The following MYLK3 variants were observed in gnomAD, a reference collection of about 807,000 sequenced individuals.
The protein encoded by MYLK3 is myosin light chain kinase 3.
A neutral mutation model predicts 76.3 loss-of-function variants in MYLK3; 55 were observed. That is an observed-to-expected ratio of 0.72 (90% confidence interval 0.58 to 0.90). The LOEUF (loss-of-function observed/expected upper bound fraction) is 0.90, where lower values mean the gene tolerates loss of function less well. MYLK3 is among the 40% of genes least tolerant of loss of function. The pLI is 0.00. For synonymous variants in MYLK3, 416 were observed against 425.4 expected, an observed-to-expected ratio of 0.98 and a Z score of 0.27; for missense variants, 973 against 1,053.6, an observed-to-expected ratio of 0.92 and a Z score of 1.06.
intron 1 of MYLK3, among the ~76,000 whole-genome samples, chr16:46,754,986 T>C (rs1050092332): frequency 6.7e-6 from 1 of 148,378 alleles, no homozygotes; most frequent in Non-Finnish European, 1.5e-5. Context: ...TGCCTCAACC[T>C]CCTGGACTCA....
At chr16:46,759,629 C>CTT (rs879830954) in intron 1 of MYLK3, among the ~76,000 whole-genome samples, 2 of 145,868 alleles carry the variant, frequency 1.4e-5, no homozygotes, top group African/African-American at 5.0e-5. Context: ...CTTTTCTCCA[C>CTT]TTTTTTTTTT....
rs769194956 is a variant in MYLK3 at position 46,748,120 on chromosome 16, A to G, written c.74T>C (p.Met25Thr). 6.8e-6 allele frequency: 11 copies of G among 1,614,174 alleles called. No individual in the cohort carries two copies. In the East Asian group the frequency reaches 2.2e-4, roughly 33 times the overall value. ...PGLGKTCLTT[M>T]DTKLNMLNEK... ...GTTCAGCATGTTCAGCTTTGTGTCC[A>G]TGGTTGTTAAGCAGGTCTTGCCCAA... Residue 25 changes from methionine (M) to threonine (T), a missense_variant, in exon 1 of 13, where the codon ATG (methionine) becomes ACG (threonine). Coordinates refer to ENST00000394809, the MANE Select transcript of MYLK3 (RefSeq NM_182493.3). The surrounding 1 kb of genome is among the most constrained non-coding windows in gnomAD (Gnocchi z 4.3).
At chr16:46,730,372 C>T (rs911016518) in intron 5 of MYLK3, among the ~76,000 whole-genome samples, 7 of 152,170 alleles carry the variant, frequency 4.6e-5, no homozygotes, top group African/African-American at 2.4e-5. Flanking sequence ...CTCCCCTCCC[C>T]GATGCCACGT....
Position 46,727,397 on chromosome 16 carries a change from G to A in MYLK3, c.1773-20C>T, listed in dbSNP as rs1966844770. On this transcript the variant is annotated intron_variant, in intron 7 of 12. Coordinates refer to ENST00000394809, the MANE Select transcript of MYLK3 (RefSeq NM_182493.3). ...TCCACGCTGCCAGAGCAAAGGGAGA[G>A]GCAGGCACCAGCCTAAGCAAGGCTC... 1.3e-6 allele frequency: 2 copies of A among 1,595,960 alleles called. No individual in the cohort carries two copies. Among genetic ancestry groups the A allele is most frequent in the Non-Finnish European group, 1.7e-6 (2 of 1,166,546 alleles).
At position 46,733,887 on chromosome 16, in the gene MYLK3, T is replaced by C. The variant is rs75560479; in HGVS notation, c.1002-1219A>G. Among the ~76,000 whole-genome samples the C allele has an allele frequency of 4.7e-3, 719 of 152,216 alleles. 3 individuals carry two copies. Among genetic ancestry groups the C allele is most frequent in the Middle Eastern group, 6.8e-3 (2 of 294 alleles). Reference sequence around the variant, plus strand: ...TAAGTCTGGCCTCAGTTCTCTCTTTTCTCTTCAGGGACGGTGATACCTTAC... The same window carrying C: ...TAAGTCTGGCCTCAGTTCTCTCTTTCCTCTTCAGGGACGGTGATACCTTAC... On this transcript the variant is annotated intron_variant, in intron 3 of 12. Transcript: ENST00000394809.
Position 46,709,533 on chromosome 16 carries a change from A to G in MYLK3, c.2400+6T>C. The G allele has an allele frequency of 6.2e-7, 1 of 1,613,236 alleles. No individual in the cohort carries two copies. On this transcript the variant is annotated splice_donor_region_variant and intron_variant, in intron 12 of 12. Coordinates refer to ENST00000394809, the MANE Select transcript of MYLK3 (RefSeq NM_182493.3). ...TTCCACCTTTACTAAGAGAAAAACC[A>G]AATACCTTCCATTTTCTTTGAGCTA...
rs200085274 is a variant in MYLK3, at chr16:46,712,679, T to C, written c.2083A>G (p.Met695Val). The C allele has an allele frequency of 1.3e-6, 2 of 1,589,196 alleles. No individual in the cohort carries two copies. Among genetic ancestry groups the C allele is most frequent in the Non-Finnish European group, 8.6e-7 (1 of 1,167,204 alleles). Residue 695 changes from methionine to valine, a missense_variant, in exon 10 of 13, where the codon ATG becomes GTG. By Grantham distance (21) the Met-to-Val change is conservative. Around this residue, in one of 2 missense-constraint regions of MYLK3, gnomAD observed 332 missense variants for 416.6 expected, o/e 0.80. Transcript: ENST00000394809. ...TAGGTGATGACTCCCACACTCCACA[T>C]GTCTGTGGGGAATGAGACAAACTCA... ...NYEFVSFPTDMWSVGVITYML... is the reference protein window; with the variant it reads ...NYEFVSFPTDVWSVGVITYML...
At chr16:46,757,026 C>T (rs1967209425) in intron 1 of MYLK3, among the ~76,000 whole-genome samples, 1 of 152,134 alleles carries the variant, frequency 6.6e-6, no homozygotes, top group Admixed American at 6.5e-5. Flanking sequence ...GCCAGTGGAC[C>T]TCCTCCCAGC....
At chr16:46,762,995 A>AC (rs71380305) in intron 1 of MYLK3, 27 of 984,570 alleles carry the variant, frequency 2.7e-5, no homozygotes, top group East Asian at 2.3e-4. Context: ...TGCTGAAAAC[A>AC]CCCCCCCACA....
intron 4 of MYLK3, among the ~76,000 whole-genome samples, chr16:46,731,510 T>G (rs961936833): frequency 6.6e-6 from 1 of 152,186 alleles, no homozygotes; most frequent in Non-Finnish European, 1.5e-5. Context: ...CTAGCGTTTG[T>G]TCAGTGCTCG....
chr16:46,722,082 G>C (rs944827237), intron 8 of MYLK3, among the ~76,000 whole-genome samples: 6 of 152,100 alleles, frequency 3.9e-5, no homozygotes, highest in Non-Finnish European at 8.8e-5. Context: ...CTCCTCTTAG[G>C]GCATTTGGAT....
intron 8 of MYLK3, among the ~76,000 whole-genome samples, chr16:46,725,440 T>A (rs1248735000): frequency 6.6e-6 from 1 of 152,264 alleles, no homozygotes; most frequent in African/African-American, 2.4e-5. Flanking sequence ...GTTATCAGGT[T>A]GAGGAAGTTC....
intron 3 of MYLK3, among the ~76,000 whole-genome samples, chr16:46,735,248 T>C (rs1300590746): frequency 6.6e-6 from 1 of 152,136 alleles, no homozygotes; most frequent in East Asian, 1.9e-4. Flanking sequence ...TCTTGTCCCC[T>C]AGGCTGGAGT....
intron 5 of MYLK3, among the ~76,000 whole-genome samples, chr16:46,730,260 C>G (rs547229768): frequency 6.6e-6 from 1 of 152,246 alleles, no homozygotes; most frequent in South Asian, 2.1e-4. Context: ...CCTGGGCTAT[C>G]CACCCTAAAG....
chr16:46,744,946 T>C (rs920077771), intron 1 of MYLK3, among the ~76,000 whole-genome samples: 1 of 152,104 alleles, frequency 6.6e-6, no homozygotes, highest in African/African-American at 2.4e-5. Flanking sequence ...AAAACATTTA[T>C]GAAAGAAATG....
chr16:46,749,662 T>C (rs574867434), upstream of MYLK3, among the ~76,000 whole-genome samples: 3 of 152,224 alleles, frequency 2.0e-5, no homozygotes, highest in African/African-American at 7.2e-5. Flanking sequence ...GGCGGGAGGA[T>C]TGCTTGAGGC....
chr16:46,760,945 T>G (rs1454144964), intron 1 of MYLK3, among the ~76,000 whole-genome samples: 2 of 152,048 alleles, frequency 1.3e-5, no homozygotes, highest in Non-Finnish European at 2.9e-5. Flanking sequence ...TGCTCCAAGA[T>G]ATAAATGGTT....
At chr16:46,717,227 C>A (rs186377296) in intron 9 of MYLK3, among the ~76,000 whole-genome samples, 1 of 152,260 alleles carries the variant, frequency 6.6e-6, no homozygotes, top group African/African-American at 2.4e-5. Flanking sequence ...CGGAACTGAA[C>A]TGCAGGACAC....
At chr16:46,720,572 G>A (rs1966789185) in intron 9 of MYLK3, among the ~76,000 whole-genome samples, 2 of 152,100 alleles carry the variant, frequency 1.3e-5, no homozygotes, top group African/African-American at 2.4e-5. Context: ...CACTGTCTGT[G>A]TATTTTCTCA....
Sources: allele counts gnomAD v4.1 joint callset (sites outside exome capture counted in the v4.1 genomes callset), GRCh38; gene constraint gnomAD v4.1.1; regional missense constraint gnomAD v4.1.1; non-coding constraint Gnocchi (gnomAD v3.1); transcripts MANE v1.5; gene names NCBI Gene and HGNC (gene_info 2026-07-23, HGNC 2026-07-21).